Variants in SEC31A observed in about 807,000 individuals in gnomAD.
The protein encoded by SEC31A is protein transport protein Sec31A.
Under a neutral mutation model 151.0 loss-of-function variants are expected in SEC31A, and 70 were observed. The ratio of observed to expected loss-of-function variants is 0.46; its 90% CI spans 0.38 to 0.57. The LOEUF is 0.57. Among genes scored for constraint, SEC31A ranks in the 20% least tolerant of loss-of-function variants. The probability of loss-of-function intolerance (pLI) is 0.00; values close to 1 mark genes in which losing one functional copy is unlikely to be tolerated. For missense variants in SEC31A, 1,330 were observed against 1,471.2 expected (o/e 0.90, Z 1.57); for synonymous variants, 475 against 505.9 (o/e 0.94, Z 0.82).
chr4:82,899,856 G>A (rs1394030990), intron 2 of SEC31A: 1 of 152,610 alleles, frequency 6.6e-6, no homozygotes, highest in African/African-American at 2.4e-5. Flanking sequence ...TCTGTTTTCT[G>A]TATGCTAAGG....
Position 82,818,980 on chromosome 4 carries a change from A to C in SEC31A, c.*94T>G, listed in dbSNP as rs1284463141. 2.1e-5 allele frequency: 20 copies of C among 968,218 alleles called. No individual in the cohort carries two copies. Among genetic ancestry groups the C allele is most frequent in the Non-Finnish European group, 2.7e-5 (18 of 670,812 alleles). The allele number at this position is 968,218 out of a possible 1,614,324, so 60.0% of individuals were successfully genotyped here. On this transcript the variant is annotated 3_prime_UTR_variant, in exon 27 of 27. Transcript: ENST00000395310. ...GCTCTTGACTGGTTGCTATGCAAAC[A>C]TGCTAATGAGGACTAGTCCATGTCT... is the stretch of plus-strand genomic sequence containing the variant.
At position 82,857,002 on chromosome 4, in the gene SEC31A, C is replaced by A; in HGVS notation, c.1831G>T (p.Ala611Ser). The change falls in exon 16 of 27, where the codon GCT becomes TCT. Residue 611 changes from alanine (A) to serine (S), a missense_variant. Ala to Ser is a moderately conservative substitution (Grantham distance 99). Coordinates refer to ENST00000395310, the MANE Select transcript of SEC31A (RefSeq NM_001077207.4). The part of the protein sequence containing the change: ...LAIAGGQELL[A>S]RTQKKYFAKS... ...GCGAAGTATTTTTTCTGGGTTCGAG[C>A]CAAGAGTTCTTGTCCACCTGCTATG... 1 of 1,612,796 alleles carries A rather than the reference C, an allele frequency of 6.2e-7. No individual in the cohort carries two copies. The highest frequency in any genetic ancestry group is 1.1e-5 in the South Asian group (1 of 90,796).
chr4:82,875,053 G>A (rs1015385613), intron 5 of SEC31A, among the ~76,000 whole-genome samples: 1 of 152,306 alleles, frequency 6.6e-6, no homozygotes, highest in East Asian at 1.9e-4. Flanking sequence ...ACTGCTGCAA[G>A]GTAGATTATG....
rs201792717 is a variant in SEC31A at position 82,866,472 on chromosome 4, AAAAC to A, written c.1197+332_1197+335del. On this transcript the variant is annotated intron_variant, in intron 10 of 26. Coordinates refer to ENST00000395310, the MANE Select transcript of SEC31A (RefSeq NM_001077207.4). ...TACAACAGAGTGAGACTGTCTCAAA[AAAAC>A]AAACAAACAAACAAAAAAATGGAGG... 4.2e-3 allele frequency among the ~76,000 whole-genome samples: 637 copies of A among 152,180 alleles called. 6 individuals carry two copies. The highest frequency in any genetic ancestry group is 0.014 in the African/African-American group (590 of 41,494).
rs1734853359 is a variant in SEC31A, at chr4:82,864,433, T to C, written c.1363A>G (p.Ile455Val). ...LQQAVQSQGF[I>V]NYCQKKIDAS... ...TCAATTTTTTTTTGGCAATAATTGA[T>C]AAATCCTTGTGACTGCACAGCCTGC... Residue 455 changes from isoleucine (I) to valine (V), a missense_variant, in exon 11 of 27, where the codon ATC becomes GTC. By Grantham distance (29) the Ile-to-Val change is conservative. Coordinates refer to ENST00000395310, the MANE Select transcript of SEC31A (RefSeq NM_001077207.4). The C allele has an allele frequency of 1.2e-6, 2 of 1,614,200 alleles. No individual in the cohort carries two copies. The highest frequency in any genetic ancestry group is 4.5e-5 in the East Asian group (2 of 44,888).
intron 12 of SEC31A, 69 bp from the exon 13 acceptor site, chr4:82,862,641 T>A: frequency 7.4e-7 from 1 of 1,352,838 alleles, no homozygotes; most frequent in Non-Finnish European, 1.1e-6. Flanking sequence ...AATGTTCACC[T>A]CTTGCTTCTC....
intron 17 of SEC31A, 27 bp downstream of exon 17, chr4:82,854,876 C>A: frequency 6.3e-7 from 1 of 1,582,016 alleles, no homozygotes. Flanking sequence ...TATGTAAATG[C>A]AGTTAAATAT....
At position 82,853,716 on chromosome 4, in the gene SEC31A, C is replaced by G; in HGVS notation, c.2009-1G>C. The G allele has an allele frequency of 6.2e-7, 1 of 1,601,302 alleles. No homozygotes were observed. The highest frequency in any genetic ancestry group is 8.5e-7 in the Non-Finnish European group (1 of 1,176,520). ...TTTTCAAGCCTGGTTCCCAAAAGAT[C>G]TGTAAGTAAGAGGAAAATAAAATAA... On this transcript the variant is annotated splice_acceptor_variant, in intron 17 of 26. Coordinates refer to ENST00000395310, the MANE Select transcript of SEC31A (RefSeq NM_001077207.4). LOFTEE classifies it high-confidence loss of function.
chr4:82,827,721 T>C (rs1280527473), intron 23 of SEC31A, 89 bp from the exon 24 acceptor site: 5 of 1,362,046 alleles, frequency 3.7e-6, no homozygotes, highest in Admixed American at 4.5e-5. Context: ...AGTTAGGTTA[T>C]ACCACGGCTA....
At chr4:82,851,940 G>A (rs570703923) in intron 18 of SEC31A, among the ~76,000 whole-genome samples, 1 of 152,204 alleles carries the variant, frequency 6.6e-6, no homozygotes, top group Non-Finnish European at 1.5e-5. Context: ...GTTCTAGCCT[G>A]TATGGGAGGA....
intron 4 of SEC31A, among the ~76,000 whole-genome samples, chr4:82,877,029 G>A (rs1738120854): frequency 6.6e-6 from 1 of 152,158 alleles, no homozygotes; most frequent in Non-Finnish European, 1.5e-5. Flanking sequence ...CTTGAGCCCA[G>A]GAGTTTGGGA....
chr4:82,819,261 A>G lies in SEC31A; in HGVS notation c.3484-8T>C. The G allele has an allele frequency of 6.4e-7, 1 of 1,553,052 alleles. No homozygotes were observed. Among genetic ancestry groups the G allele is most frequent in the Non-Finnish European group, 8.7e-7 (1 of 1,148,648 alleles). On this transcript the variant is annotated splice_polypyrimidine_tract_variant and splice_region_variant and intron_variant, in intron 26 of 26. Coordinates refer to ENST00000395310, the MANE Select transcript of SEC31A (RefSeq NM_001077207.4). ...GGTGATTGTTGGTGAAAGCTGAAAC[A>G]AAAGTGAACCAAGAGAAAGAATTAA...
chr4:82,895,903 G>A (rs1016925243), upstream of SEC31A: 3 of 152,206 alleles, frequency 2.0e-5, no homozygotes, highest in African/African-American at 4.8e-5. Flanking sequence ...GTGAACAGCA[G>A]TGGAAAAAAT....
Position 82,819,164 on chromosome 4 carries a change from G to A in SEC31A, c.3573C>T (p.His1191=). The change falls in exon 27 of 27, where the codon CAC becomes CAT. Residue 1191 remains histidine, a synonymous_variant. Transcript: ENST00000395310. ...CACTGAAGTTGCTGGTGCTAACTAT[G>A]TGGGTATGCATGGTCAATCCTTCTG... The part of the protein sequence containing the change: ...NYSEGLTMHT[H]IVSTSNFSET... 1.2e-6 allele frequency: 2 copies of A among 1,612,700 alleles called. No individual in the cohort carries two copies. Among genetic ancestry groups the A allele is most frequent in the Non-Finnish European group, 1.7e-6 (2 of 1,179,366 alleles).
At chr4:82,828,673 C>CAAAAAAAAAAAAAAAAAAAAAAAAA (rs397994259) in intron 23 of SEC31A, among the ~76,000 whole-genome samples, 8 of 44,096 alleles carry the variant, frequency 1.8e-4, no homozygotes, top group Non-Finnish European at 2.7e-4. Flanking sequence ...CAAAGTAACT[C>CAAAAAAAAAAAAAAAAAAAAAAAAA]AAAAAAAAAA....
intron 14 of SEC31A, among the ~76,000 whole-genome samples, chr4:82,859,531 T>C (rs1158997357): frequency 1.3e-5 from 2 of 152,176 alleles, no homozygotes; most frequent in African/African-American, 4.8e-5. Context: ...AATGTAAATA[T>C]CTAGTATTCA....
chr4:82,845,392 C>A, intron 20 of SEC31A: 1 of 587,396 alleles, frequency 1.7e-6, no homozygotes, highest in Non-Finnish European at 2.7e-6. Flanking sequence ...GATGCAAAGC[C>A]AAAGGTAAGA....
At position 82,900,273 on chromosome 4, in the gene SEC31A, T is replaced by C. The variant is rs371975092; in HGVS notation, c.-173-50A>G. On this transcript the variant is annotated intron_variant, in intron 1 of 28. Coordinates refer to the SEC31A transcript ENST00000355196. The stretch of plus-strand genomic sequence containing the variant: ...GACACGCATCTCAGTAAATCATATA[T>C]TTTTGGCCCGACTCTGTCTTCAACA... The C allele has an allele frequency of 1.9e-4, 29 of 155,280 alleles. 1 individual carries two copies. Among genetic ancestry groups the C allele is most frequent in the African/African-American group, 6.7e-4 (28 of 41,570 alleles). 9.6% of individuals were successfully genotyped at this position (155,280 alleles called of 1,614,324 possible).
chr4:82,859,066 G>C lies in SEC31A; in HGVS notation c.1627-1302C>G, dbSNP rs186578720. On this transcript the variant is annotated intron_variant, in intron 14 of 26. Transcript: ENST00000395310. Reference sequence around the variant, plus strand: ...AACAAACCTACTTTTACACATCTAAGAATTCCTGTCCACTGGATTTGATTA... The same window carrying C: ...AACAAACCTACTTTTACACATCTAACAATTCCTGTCCACTGGATTTGATTA... Among the ~76,000 whole-genome samples the C allele has an allele frequency of 1.1e-3, 167 of 151,486 alleles. 2 individuals are homozygous for C. The Middle Eastern group carries it at 0.024, about 22-fold the overall frequency.
Sources: allele counts gnomAD v4.1 joint callset (sites outside exome capture counted in the v4.1 genomes callset), GRCh38; gene constraint gnomAD v4.1.1; transcripts MANE v1.5; gene names NCBI Gene and HGNC (gene_info 2026-07-23, HGNC 2026-07-21).